DPEP2: variants seen among roughly 807,000 people sequenced by gnomAD.
DPEP2 encodes the protein dipeptidase 2.
In DPEP2, 45 loss-of-function variants were observed where a neutral mutation model predicts 51.8. That is an observed-to-expected ratio of 0.87 (90% confidence interval 0.68 to 1.11). The LOEUF is 1.11. Ranked by LOEUF, DPEP2 falls within the 50% of genes most tolerant of loss-of-function variation. The pLI is 0.00. For synonymous variants in DPEP2, 255 were observed against 262.7 expected, an observed-to-expected ratio of 0.97 and a Z score of 0.28; for missense variants, 604 against 631.9, an observed-to-expected ratio of 0.96 and a Z score of 0.47.
At chr16:68,000,327 C>A (rs933339510), upstream of DPEP2, 28 of 546,662 alleles carry the variant, frequency 5.1e-5, no homozygotes, top group African/African-American at 4.9e-4. Context: ...GCTCACTCGC[C>A]CCTACTCATC....
upstream of DPEP2, among the ~76,000 whole-genome samples, chr16:68,000,052 G>A (rs1383367734): frequency 6.6e-6 from 1 of 152,152 alleles, no homozygotes; most frequent in African/African-American, 2.4e-5. Flanking sequence ...TCAGCAAATA[G>A]CACAAACTTT....
chr16:67,987,651 A>AGACGT lies in DPEP2; in HGVS notation c.1315_1316insACGTC (p.Leu439HisfsTer3). The AGACGT allele has an allele frequency of 6.2e-7, 1 of 1,614,208 alleles. No homozygotes were observed. Among genetic ancestry groups the AGACGT allele is most frequent in the South Asian group, 1.1e-5 (1 of 91,090 alleles). Reference sequence around the variant, plus strand: ...CTCAGTGAGTTCCTGGCCTGAAGTCAGACTCTGTCTCTGACGCAGACGTGA... The same window carrying AGACGT: ...CTCAGTGAGTTCCTGGCCTGAAGTCAGACGTGACTCTGTCTCTGACGCAGACGTGA... On this transcript the variant is annotated frameshift_variant, in exon 11 of 11. Coordinates refer to ENST00000393847, the MANE Select transcript of DPEP2 (RefSeq NM_022355.4). LOFTEE classifies it high-confidence loss of function.
Position 67,992,931 on chromosome 16 carries a change from C to G in DPEP2, c.263+19G>C. ...GGAGTGTGCTCAGCTCCCATCGCCC[C>G]CTTGCAGCAATTACGCACCCGTCCA... is the stretch of plus-strand genomic sequence containing the variant. On this transcript the variant is annotated intron_variant, in intron 2 of 10. Transcript: ENST00000393847. 1 of 1,602,702 alleles carries G rather than the reference C, an allele frequency of 6.2e-7. No individual in the cohort carries two copies. The highest frequency in any genetic ancestry group is 8.5e-7 in the Non-Finnish European group (1 of 1,174,310).
At chr16:67,996,830 A>G (rs1437889356) in intron 1 of DPEP2, among the ~76,000 whole-genome samples, 3 of 151,646 alleles carry the variant, frequency 2.0e-5, no homozygotes, top group African/African-American at 7.3e-5. Flanking sequence ...CAGACAACAC[A>G]ATTTTCCATG....
At chr16:67,987,393 G>C (rs908156050), downstream of DPEP2, 50 of 1,459,810 alleles carry the variant, frequency 3.4e-5, no homozygotes, top group African/African-American at 6.2e-4. Flanking sequence ...ACTCAGGTCT[G>C]TTTCTATGTC....
chr16:67,991,619 C>T lies in DPEP2; in HGVS notation c.662+219G>A. 1 of 640,580 alleles carries T rather than the reference C, an allele frequency of 1.6e-6. No individual in the cohort carries two copies. Among genetic ancestry groups the T allele is most frequent in the Non-Finnish European group, 2.6e-6 (1 of 387,868 alleles). The allele number at this position is 640,580 out of a possible 1,614,324, so 39.7% of individuals were successfully genotyped here. A position where few individuals can be genotyped will look rare whatever the true frequency, so the allele number is the denominator to read the frequency against. On this transcript the variant is annotated intron_variant, in intron 5 of 10. Transcript: ENST00000393847. The surrounding 1 kb of genome is among the most constrained non-coding windows in gnomAD (Gnocchi z 5.1). ...TCTCGAACTCCTGGCCTTAAGTTAT[C>T]TGTCCGCCTCAGCCTCCCAAAGTTT...
chr16:67,987,576 TCTGAGA>T lies in DPEP2; in HGVS notation c.1385_1390del (p.Val462_Ser463del), dbSNP rs1459124632. 6.2e-6 allele frequency: 10 copies of T among 1,614,040 alleles called. No homozygotes were observed. The highest frequency in any genetic ancestry group is 5.0e-5 in the Admixed American group (3 of 59,990). On this transcript the variant is annotated inframe_deletion, in exon 11 of 11. Transcript: ENST00000393847. Reference sequence around the variant, plus strand: ...GACTGGGGCCATGTGGGGGGAGGACTCTGAGACTGACCACTTGGCTGGTAACTTGGC... The same window carrying T: ...GACTGGGGCCATGTGGGGGGAGGACTCTGACCACTTGGCTGGTAACTTGGC...
rs533469244 is a variant in DPEP2 at position 67,989,328 on chromosome 16, G to A, written c.1065C>T (p.Ala355=). 4.5e-5 allele frequency: 73 copies of A among 1,614,112 alleles called. No homozygotes were observed. The highest frequency in any genetic ancestry group is 8.9e-5 in the East Asian group (4 of 44,880). ...FIGIGGDYDG[A]GKFPQGLEDV... is the part of the protein sequence containing the mutation. ...GCCACAGGGAAGGCACTCACTTGCC[G>A]GCCCCATCATAATCTCCACCAATCC... Residue 355 remains alanine (A), a synonymous_variant, in exon 9 of 11, where the codon GCC becomes GCT. Transcript: ENST00000393847.
chr16:67,998,333 G>A (rs921515518), intron 1 of DPEP2, among the ~76,000 whole-genome samples: 1 of 152,150 alleles, frequency 6.6e-6, no homozygotes, highest in Non-Finnish European at 1.5e-5. Flanking sequence ...TGCTGGCCCC[G>A]GGCAATGAGG....
chr16:67,997,326 G>A (rs974978188), intron 1 of DPEP2, among the ~76,000 whole-genome samples: 4 of 147,722 alleles, frequency 2.7e-5, no homozygotes, highest in East Asian at 2.0e-4. Flanking sequence ...AGCCACCCCC[G>A]ACCCTTGGCC....
At chr16:67,997,107 A>G (rs1041981185) in intron 1 of DPEP2, among the ~76,000 whole-genome samples, 1 of 150,574 alleles carries the variant, frequency 6.6e-6, no homozygotes, top group Admixed American at 6.6e-5. Context: ...ATCTTGGCTC[A>G]CTGCAATCTC....
rs574873667 is a variant in DPEP2 at position 67,988,228 on chromosome 16, TC to T, written c.1071-242del. ...TATGCCTTTTACTGAATGCAAATGA[TC>T]CCCCCTACCAACCAGAGTTAAAAAG... On this transcript the variant is annotated intron_variant, in intron 9 of 10. Transcript: ENST00000393847. Among the ~76,000 whole-genome samples the T allele has an allele frequency of 5.3e-3, 800 of 152,086 alleles. 9 individuals are homozygous for T. The highest frequency in any genetic ancestry group is 0.019 in the African/African-American group (770 of 41,464).
chr16:67,991,322 GCC>G lies in DPEP2; in HGVS notation c.663-140_663-139del. 1.3e-6 allele frequency: 1 copy of G among 775,678 alleles called. No individual in the cohort carries two copies. The highest frequency in any genetic ancestry group is 2.1e-6 in the Non-Finnish European group (1 of 483,784). 48.0% of individuals were successfully genotyped at this position (775,678 alleles called of 1,614,324 possible). ...AAAATGGGCCCTGCAAATGGGCCAT[GCC>G]TGGCAGCAGGAGGGCCCTGCTGGGT... On this transcript the variant is annotated intron_variant, in intron 5 of 10. Transcript: ENST00000393847. This position sits in a 1 kb window ranked among gnomAD's most constrained non-coding sequence, Gnocchi z 5.1.
chr16:67,991,490 G>C lies in DPEP2; in HGVS notation c.663-306C>G, dbSNP rs1370451783. ...CCTCCTGGGTTCAAGAGATTCTCAT[G>C]CCTCAGCCTCCTGAGTATCTGGGAT... is the stretch of plus-strand genomic sequence containing the variant. On this transcript the variant is annotated intron_variant, in intron 5 of 10. Coordinates refer to ENST00000393847, the MANE Select transcript of DPEP2 (RefSeq NM_022355.4). The surrounding 1 kb of genome is among the most constrained non-coding windows in gnomAD (Gnocchi z 5.1). Among the ~76,000 whole-genome samples the C allele has an allele frequency of 6.6e-6, 1 of 151,046 alleles. No homozygotes were observed. Among genetic ancestry groups the C allele is most frequent in the African/African-American group, 2.4e-5 (1 of 40,992 alleles).
At chr16:67,992,758 C>A (rs547629432) in intron 2 of DPEP2, 122 bp from the exon 3 acceptor site, 3 of 1,513,174 alleles carry the variant, frequency 2.0e-6, no homozygotes, top group African/African-American at 2.7e-5. Context: ...ATACTGAGAT[C>A]CCCTGAGGCC....
chr16:67,999,796 A>G (rs2032922033), upstream of DPEP2: 1 of 152,204 alleles, frequency 6.6e-6, no homozygotes, highest in Non-Finnish European at 1.5e-5. Flanking sequence ...GGTTCCAGGT[A>G]CTTACGAGGC....
At position 67,993,943 on chromosome 16, in the gene DPEP2, C is replaced by G. The variant is rs531067808; in HGVS notation, c.-45-686G>C. On this transcript the variant is annotated intron_variant, in intron 1 of 10. Coordinates refer to ENST00000393847, the MANE Select transcript of DPEP2 (RefSeq NM_022355.4). ...CTGTCAGGAGCACTCCTCCGCCCCC[C>G]GCCCCGACCGCACATTCTCCAATCA... The G allele has an allele frequency of 1.0e-5, 10 of 985,502 alleles. No individual in the cohort carries two copies. The South Asian group carries it at 1.4e-4, about 14-fold the overall frequency. 61.0% of individuals were successfully genotyped at this position (985,502 alleles called of 1,614,324 possible). A position where few individuals can be genotyped will look rare whatever the true frequency, so the allele number is the denominator to read the frequency against.
chr16:67,991,099 G>A lies in DPEP2; in HGVS notation c.732+16C>T. On this transcript the variant is annotated intron_variant, in intron 6 of 10. Transcript: ENST00000393847. This position sits in a 1 kb window ranked among gnomAD's most constrained non-coding sequence, Gnocchi z 5.1. Reference sequence around the variant, plus strand: ...TGCACATTTGTTTGGGGTGGAGTGTGAACCAGGGTCCTCACCTCACCAAAG... The same window carrying A: ...TGCACATTTGTTTGGGGTGGAGTGTAAACCAGGGTCCTCACCTCACCAAAG... 2 of 1,614,206 alleles carry A rather than the reference G, an allele frequency of 1.2e-6. No homozygotes were observed. Among genetic ancestry groups the A allele is most frequent in the Non-Finnish European group, 1.7e-6 (2 of 1,180,028 alleles).
Position 67,987,567 on chromosome 16 carries a change from G to A in DPEP2, c.1400C>T (p.Pro467Leu). Residue 467 changes from proline (P) to leucine (L), a missense_variant, in exon 11 of 11, where the codon CCC becomes CTC. Coordinates refer to ENST00000393847, the MANE Select transcript of DPEP2 (RefSeq NM_022355.4). Reference protein sequence around the residue: ...PAKWSVSESSPHMAPVLAVVA... With the variant: ...PAKWSVSESSLHMAPVLAVVA... The stretch of plus-strand genomic sequence containing the variant: ...AACTGCAAGGACTGGGGCCATGTGG[G>A]GGGAGGACTCTGAGACTGACCACTT... 1 of 1,614,194 alleles carries A rather than the reference G, an allele frequency of 6.2e-7. No individual in the cohort carries two copies. The highest frequency in any genetic ancestry group is 8.5e-7 in the Non-Finnish European group (1 of 1,180,042).
Sources: allele counts gnomAD v4.1 joint callset (sites outside exome capture counted in the v4.1 genomes callset), GRCh38; gene constraint gnomAD v4.1.1; non-coding constraint Gnocchi (gnomAD v3.1); transcripts MANE v1.5; gene names NCBI Gene and HGNC (gene_info 2026-07-23, HGNC 2026-07-21).